The following CCDC192 variants were observed in gnomAD, a reference collection of about 807,000 sequenced individuals.
The protein encoded by CCDC192 is coiled-coil domain containing 192, also known as coiled-coil domain-containing protein 192.
chr5:127,768,107 C>G (rs1294981023), intron 3 of CCDC192, among the ~76,000 whole-genome samples: 1 of 151,948 alleles, frequency 6.6e-6, no homozygotes, highest in South Asian at 2.1e-4. Context: ...CAAAAATTAT[C>G]CAGGCGTGGT....
At chr5:127,808,913 T>C (rs1757934968) in intron 5 of CCDC192, among the ~76,000 whole-genome samples, 1 of 152,202 alleles carries the variant, frequency 6.6e-6, no homozygotes, top group African/African-American at 2.4e-5. Flanking sequence ...GCCATATACC[T>C]GGATTTAATG....
intron 6 of CCDC192, among the ~76,000 whole-genome samples, chr5:127,914,842 G>A (rs1427879471): frequency 6.6e-6 from 1 of 152,108 alleles, no homozygotes; most frequent in African/African-American, 2.4e-5. Flanking sequence ...TGAATAAACT[G>A]AGGCACAGAA....
At position 127,721,629 on chromosome 5, in the gene CCDC192, C is replaced by G. The variant is rs142404614; in HGVS notation, c.114+13869C>G. On this transcript the variant is annotated intron_variant, in intron 2 of 6. Coordinates refer to ENST00000514853, the MANE Select transcript of CCDC192 (RefSeq NM_001317938.2). Reference sequence around the variant, plus strand: ...TTTCAGGTATCTTTATAGCAATGCCCCACTCCCAGTATCAATTTTCTGCAT... The same window carrying G: ...TTTCAGGTATCTTTATAGCAATGCCGCACTCCCAGTATCAATTTTCTGCAT... 1.4e-3 allele frequency among the ~76,000 whole-genome samples: 215 copies of G among 152,282 alleles called. 3 individuals are homozygous for G. The East Asian group carries it at 0.04, about 28-fold the overall frequency.
chr5:127,852,539 G>A (rs1419765768), intron 5 of CCDC192, among the ~76,000 whole-genome samples: 3 of 152,108 alleles, frequency 2.0e-5, no homozygotes, highest in African/African-American at 4.8e-5. Flanking sequence ...TCCATCTCAC[G>A]TTTCGGGGTC....
At chr5:127,827,964 T>C (rs1431901220) in intron 5 of CCDC192, among the ~76,000 whole-genome samples, 1 of 152,184 alleles carries the variant, frequency 6.6e-6, no homozygotes, top group Non-Finnish European at 1.5e-5. Flanking sequence ...TGGAGTGCAG[T>C]GGCGCGATCT....
At chr5:127,884,212 G>A (rs544202474) in intron 6 of CCDC192, among the ~76,000 whole-genome samples, 13 of 151,544 alleles carry the variant, frequency 8.6e-5, no homozygotes, top group South Asian at 2.1e-4. Context: ...GCGTGGTGGC[G>A]GGCGCCTGTA....
intron 3 of CCDC192, among the ~76,000 whole-genome samples, chr5:127,758,521 C>T (rs1754738085): frequency 6.6e-6 from 1 of 152,170 alleles, no homozygotes; most frequent in Admixed American, 6.5e-5. Flanking sequence ...ACCAATTCAG[C>T]CAAAGTAGAG....
intron 3 of CCDC192, among the ~76,000 whole-genome samples, chr5:127,770,362 C>A (rs1203408231): frequency 6.6e-6 from 1 of 152,034 alleles, no homozygotes; most frequent in Admixed American, 6.5e-5. Context: ...TTAGTACAAT[C>A]CCCCCAAAGG....
intron 3 of CCDC192, among the ~76,000 whole-genome samples, chr5:127,788,362 A>T (rs1756680933): frequency 6.6e-6 from 1 of 152,182 alleles, no homozygotes. Flanking sequence ...GCTACAATTC[A>T]CATGCAACAT....
intron 5 of CCDC192, among the ~76,000 whole-genome samples, chr5:127,835,860 G>C (rs979242209): frequency 6.6e-6 from 1 of 152,152 alleles, no homozygotes; most frequent in Non-Finnish European, 1.5e-5. Flanking sequence ...TTCAAGATGA[G>C]ATTTCGGTGG....
intron 5 of CCDC192, among the ~76,000 whole-genome samples, chr5:127,809,441 G>C (rs909740982): frequency 6.7e-6 from 1 of 148,150 alleles, no homozygotes; most frequent in Non-Finnish European, 1.5e-5. Context: ...TAGTGTGTTG[G>C]GGGGGATGCT....
chr5:127,876,909 G>A (rs2108653), intron 6 of CCDC192, among the ~76,000 whole-genome samples: 99,866 of 152,066 alleles, frequency 0.66, 32,766 homozygotes, highest in Non-Finnish European at 0.68. Flanking sequence ...TTCTTTCAAT[G>A]AAACAACATA....
At chr5:127,788,058 G>T (rs1756652195) in intron 3 of CCDC192, among the ~76,000 whole-genome samples, 1 of 141,140 alleles carries the variant, frequency 7.1e-6, no homozygotes, top group African/African-American at 2.7e-5. Flanking sequence ...CTCCAGCCTG[G>T]GTAACAGAGT....
At chr5:127,855,187 T>C (rs1191972250) in intron 5 of CCDC192, among the ~76,000 whole-genome samples, 1 of 152,202 alleles carries the variant, frequency 6.6e-6, no homozygotes, top group Non-Finnish European at 1.5e-5. Flanking sequence ...TTTAATAGCA[T>C]GTTTCCCATA....
At chr5:127,906,877 A>T (rs1019203228) in intron 6 of CCDC192, among the ~76,000 whole-genome samples, 1 of 152,168 alleles carries the variant, frequency 6.6e-6, no homozygotes, top group Non-Finnish European at 1.5e-5. Context: ...TCTAGGTCAC[A>T]TGGTTGTTCT....
At chr5:127,828,938 T>G (rs1282565535) in intron 5 of CCDC192, among the ~76,000 whole-genome samples, 2 of 152,014 alleles carry the variant, frequency 1.3e-5, no homozygotes, top group East Asian at 3.8e-4. Flanking sequence ...CTGGGAGCAA[T>G]GTGGAGAGAG....
chr5:127,843,769 A>G (rs1226355710), intron 5 of CCDC192, among the ~76,000 whole-genome samples: 1 of 152,192 alleles, frequency 6.6e-6, no homozygotes, highest in Admixed American at 6.5e-5. Flanking sequence ...GCCAGAGGCA[A>G]GAAATACATT....
chr5:127,877,634 A>C (rs1338994094), intron 6 of CCDC192, among the ~76,000 whole-genome samples: 1 of 151,250 alleles, frequency 6.6e-6, no homozygotes, highest in Non-Finnish European at 1.5e-5. Flanking sequence ...TGTCAAGGCC[A>C]TTGTTGTCCC....
At chr5:127,743,340 A>T (rs1014441678) in intron 2 of CCDC192, among the ~76,000 whole-genome samples, 1 of 152,046 alleles carries the variant, frequency 6.6e-6, no homozygotes, top group Non-Finnish European at 1.5e-5. Flanking sequence ...GGTTCCTTTA[A>T]TCTTACCCAC....
Sources: allele counts gnomAD v4.1 joint callset (sites outside exome capture counted in the v4.1 genomes callset), GRCh38; gene constraint gnomAD v4.1.1; transcripts MANE v1.5; gene names NCBI Gene and HGNC (gene_info 2026-07-23, HGNC 2026-07-21).